AUTS2: variants seen among roughly 807,000 people sequenced by gnomAD.
AUTS2 encodes activator of transcription and developmental regulator AUTS2, also known as autism susceptibility gene 2 protein.
AUTS2 carries 17 observed loss-of-function variants against 112.4 expected under a neutral mutation model. The ratio of observed to expected loss-of-function variants is 0.15; its 90% CI spans 0.10 to 0.23. AUTS2 has a LOEUF of 0.23. Ranked by LOEUF, AUTS2 falls within the 10% of genes least tolerant of loss-of-function variation. AUTS2 has a pLI of 1.00. For missense variants in AUTS2, 1,510 were observed against 1,701.6 expected, an observed-to-expected ratio of 0.89 and a Z score of 1.98; for synonymous variants, 751 against 702.7, an observed-to-expected ratio of 1.07 and a Z score of -1.09.
chr7:70,031,174 G>T (rs1008670711), intron 2 of AUTS2, among the ~76,000 whole-genome samples: 2 of 152,102 alleles, frequency 1.3e-5, no homozygotes, highest in Middle Eastern at 3.2e-3. Context: ...ATTTGTGAGG[G>T]CCTTCCCCTT....
chr7:70,020,618 C>A (rs1277029599), intron 2 of AUTS2, among the ~76,000 whole-genome samples: 1 of 152,142 alleles, frequency 6.6e-6, no homozygotes, highest in Non-Finnish European at 1.5e-5. Flanking sequence ...TACACACTCA[C>A]CACCCTCAAA....
chr7:69,851,016 G>GT (rs1231295765), intron 1 of AUTS2, among the ~76,000 whole-genome samples: 1 of 152,174 alleles, frequency 6.6e-6, no homozygotes, highest in African/African-American at 2.4e-5. Context: ...TTTAAATTAA[G>GT]TTTTGTGTAA....
At chr7:70,653,699 A>G (rs1403787369) in intron 5 of AUTS2, among the ~76,000 whole-genome samples, 3 of 152,238 alleles carry the variant, frequency 2.0e-5, no homozygotes, top group Non-Finnish European at 4.4e-5. Context: ...GAGCTTGCCC[A>G]TGATGGCTAC....
At chr7:70,602,246 A>G (rs1803511362) in intron 5 of AUTS2, among the ~76,000 whole-genome samples, 2 of 152,232 alleles carry the variant, frequency 1.3e-5, no homozygotes, top group Admixed American at 1.3e-4. Context: ...GACTTATGTC[A>G]TGCCATCTAA....
chr7:70,252,967 C>T (rs1420214045), intron 4 of AUTS2, among the ~76,000 whole-genome samples: 1 of 152,116 alleles, frequency 6.6e-6, no homozygotes, highest in African/African-American at 2.4e-5. Flanking sequence ...AGTACCATAC[C>T]TTTATGATCA....
intron 4 of AUTS2, among the ~76,000 whole-genome samples, chr7:70,184,121 C>T (rs1291202178): frequency 1.3e-5 from 2 of 152,120 alleles, no homozygotes; most frequent in Non-Finnish European, 2.9e-5. Context: ...GTTCCTTGGG[C>T]ATGCTGGAAA....
At chr7:70,690,645 A>G (rs2129546315) in intron 5 of AUTS2, among the ~76,000 whole-genome samples, 1 of 152,338 alleles carries the variant, frequency 6.6e-6, no homozygotes, top group Non-Finnish European at 1.5e-5. Flanking sequence ...ATTGAATCCC[A>G]TCTCAGATTA....
chr7:69,886,498 A>G (rs1794278679), intron 1 of AUTS2, among the ~76,000 whole-genome samples: 2 of 152,174 alleles, frequency 1.3e-5, no homozygotes, highest in Admixed American at 1.3e-4. Context: ...ACATAACACA[A>G]ATTTTGCCAG....
At chr7:70,271,465 GTAT>G (rs1413993737) in intron 4 of AUTS2, among the ~76,000 whole-genome samples, 1 of 151,818 alleles carries the variant, frequency 6.6e-6, no homozygotes, top group Non-Finnish European at 1.5e-5. Flanking sequence ...GTTTCTGGGG[GTAT>G]TATTATTGTA....
intron 4 of AUTS2, among the ~76,000 whole-genome samples, chr7:70,141,229 G>C (rs764648486): frequency 6.6e-6 from 1 of 152,178 alleles, no homozygotes; most frequent in Non-Finnish European, 1.5e-5. Flanking sequence ...ACGGGACTTA[G>C]ATTGTCAGGG....
At chr7:70,078,384 G>A (rs554766586) in intron 2 of AUTS2, among the ~76,000 whole-genome samples, 1 of 152,142 alleles carries the variant, frequency 6.6e-6, no homozygotes, top group Non-Finnish European at 1.5e-5. Context: ...AATTTAAAAT[G>A]TATTGACGAA....
intron 4 of AUTS2, among the ~76,000 whole-genome samples, chr7:70,299,652 G>T (rs1368891364): frequency 6.6e-6 from 1 of 152,108 alleles, no homozygotes; most frequent in Non-Finnish European, 1.5e-5. Context: ...TGCAGCCCGT[G>T]CTTCCCTCAC....
Position 70,106,716 on chromosome 7 carries a change from T to C in AUTS2, c.523-11416T>C, listed in dbSNP as rs116057922. Among the ~76,000 whole-genome samples, 1,326 of 152,282 alleles carry C rather than the reference T, an allele frequency of 8.7e-3. 23 individuals are homozygous for C. Among genetic ancestry groups the C allele is most frequent in the African/African-American group, 0.03 (1,262 of 41,552 alleles). On this transcript the variant is annotated intron_variant, in intron 2 of 18. Coordinates refer to ENST00000342771, the MANE Select transcript of AUTS2 (RefSeq NM_015570.4). ...GGCTGAGCAATAAAGTAAGACCCTG[T>C]CTTATACCATCTCCATAGAAAGCAC...
At chr7:70,639,565 T>C (rs1011148405) in intron 5 of AUTS2, among the ~76,000 whole-genome samples, 3 of 138,414 alleles carry the variant, frequency 2.2e-5, no homozygotes, top group Non-Finnish European at 4.5e-5. Context: ...TGCAGTGAGC[T>C]ATGATTACAC....
At chr7:70,350,246 A>C (rs757913340) in intron 4 of AUTS2, among the ~76,000 whole-genome samples, 1 of 152,212 alleles carries the variant, frequency 6.6e-6, no homozygotes, top group Non-Finnish European at 1.5e-5. Flanking sequence ...GTATGAATTT[A>C]AGATGTACAA....
At chr7:70,536,771 A>T (rs754465415) in intron 5 of AUTS2, among the ~76,000 whole-genome samples, 1 of 151,924 alleles carries the variant, frequency 6.6e-6, no homozygotes, top group African/African-American at 2.4e-5. Context: ...GAGTTGGCGC[A>T]TGCTTGTAAT....
At chr7:69,619,514 A>G (rs1024675583) in intron 1 of AUTS2, among the ~76,000 whole-genome samples, 1 of 152,158 alleles carries the variant, frequency 6.6e-6, no homozygotes, top group African/African-American at 2.4e-5. Flanking sequence ...TATCAGTGAA[A>G]TATGTGGTAA....
intron 1 of AUTS2, among the ~76,000 whole-genome samples, chr7:69,764,248 CCATGAAGTGG>C (rs1788319525): frequency 6.6e-6 from 1 of 152,138 alleles, no homozygotes; most frequent in South Asian, 2.1e-4. Context: ...TCCTGAAGTG[CCATGAAGTGG>C]CAGGAACATG....
chr7:70,574,003 G>A (rs948433935), intron 5 of AUTS2, among the ~76,000 whole-genome samples: 15 of 152,152 alleles, frequency 9.9e-5, no homozygotes, highest in African/African-American at 3.4e-4. Flanking sequence ...GAGCCTGGCT[G>A]TGCAGTTGGG....
Sources: allele counts gnomAD v4.1 joint callset (sites outside exome capture counted in the v4.1 genomes callset), GRCh38; gene constraint gnomAD v4.1.1; transcripts MANE v1.5; gene names NCBI Gene and HGNC (gene_info 2026-07-23, HGNC 2026-07-21).